The following DNAH7 variants were observed in gnomAD, a reference collection of about 807,000 sequenced individuals.
The protein encoded by DNAH7 is dynein axonemal heavy chain 7.
In DNAH7, 397 loss-of-function variants were observed where a neutral mutation model predicts 444.6. The observed-to-expected ratio is 0.89, with a 90% CI of 0.82 to 0.97. The LOEUF is 0.97. Ranked by LOEUF, DNAH7 falls within the 50% of genes least tolerant of loss-of-function variation. The pLI, the probability that DNAH7 is intolerant of heterozygous loss-of-function variation, is 0.00. For missense variants in DNAH7, 4,902 were observed against 4,800.8 expected (o/e 1.02, Z -0.62); for synonymous variants, 1,636 against 1,624.4 (o/e 1.01, Z -0.17).
intron 38 of DNAH7, among the ~76,000 whole-genome samples, chr2:195,875,030 A>T (rs1320019641): frequency 6.6e-6 from 1 of 152,228 alleles, no homozygotes; most frequent in Non-Finnish European, 1.5e-5. Context: ...GAAAACAGTT[A>T]AAGATTTCTT....
chr2:195,986,151 T>A (rs1214123123), intron 14 of DNAH7, among the ~76,000 whole-genome samples: 1 of 152,170 alleles, frequency 6.6e-6, no homozygotes, highest in Admixed American at 6.5e-5. Flanking sequence ...CCAAACTCCA[T>A]CTTGGGAGGA....
chr2:195,761,193 T>C (rs1694332097), intron 61 of DNAH7, among the ~76,000 whole-genome samples: 1 of 151,208 alleles, frequency 6.6e-6, no homozygotes, highest in Non-Finnish European at 1.5e-5. Context: ...AAAAATGCAA[T>C]TAATATGCTG....
chr2:195,829,055 T>A (rs1697933864), intron 48 of DNAH7, among the ~76,000 whole-genome samples: 1 of 152,178 alleles, frequency 6.6e-6, no homozygotes, highest in Admixed American at 6.5e-5. Flanking sequence ...ACTTAAGCCT[T>A]CTCTGGTTTT....
At chr2:196,008,558 T>C (rs918800881) in intron 10 of DNAH7, among the ~76,000 whole-genome samples, 21 of 152,224 alleles carry the variant, frequency 1.4e-4, no homozygotes, top group Admixed American at 1.2e-3. Context: ...TATATCCATA[T>C]ACTGAAATAT....
intron 3 of DNAH7, 151 bp from the exon 4 acceptor site, chr2:196,048,555 CTG>C: frequency 1.5e-6 from 1 of 665,418 alleles, no homozygotes; most frequent in East Asian, 2.7e-5. Context: ...TTATTCAAGC[CTG>C]TGAATGGTCA....
chr2:196,031,884 A>C (rs997859062), intron 5 of DNAH7, among the ~76,000 whole-genome samples: 5 of 152,088 alleles, frequency 3.3e-5, no homozygotes, highest in African/African-American at 9.7e-5. Flanking sequence ...GAGCCTTCCA[A>C]ACTGTTCCAA....
At chr2:195,942,468 A>T (rs1281955756) in intron 19 of DNAH7, among the ~76,000 whole-genome samples, 8 of 151,782 alleles carry the variant, frequency 5.3e-5, no homozygotes, top group Admixed American at 1.3e-4. Flanking sequence ...GAAGAAGAGG[A>T]AGAGGAGGAG....
rs1699037537 is a variant in DNAH7 at position 195,847,015 on chromosome 2, A to G, written c.8782-1850T>C. ...CAGTTCTGCCCTTTTAGAGAATCCTATTAGTTCTGTCCCTCTAGTAGTTAA... is the reference window on the plus strand; with the variant it reads ...CAGTTCTGCCCTTTTAGAGAATCCTGTTAGTTCTGTCCCTCTAGTAGTTAA... On this transcript the variant is annotated intron_variant, in intron 46 of 64. Coordinates refer to ENST00000312428, the MANE Select transcript of DNAH7 (RefSeq NM_018897.3). 2.7e-5 allele frequency among the ~76,000 whole-genome samples: 4 copies of G among 145,686 alleles called. No homozygotes were observed. In the South Asian group the frequency reaches 8.6e-4, roughly 31 times the overall value.
At chr2:196,048,452 A>C (rs1161502640) in intron 3 of DNAH7, 48 bp from the exon 4 acceptor site, 1 of 1,525,576 alleles carries the variant, frequency 6.6e-7, no homozygotes, top group South Asian at 1.1e-5. Context: ...TCAGAAAAAA[A>C]CCTTTTTCCA....
chr2:195,875,594 G>C (rs1701002211), intron 38 of DNAH7, 81 bp downstream of exon 38: 2 of 1,348,464 alleles, frequency 1.5e-6, no homozygotes, highest in East Asian at 2.4e-5. Context: ...CAACTCAAAA[G>C]AGGATTTTTT....
At chr2:195,918,972 C>T (rs1432116832) in intron 24 of DNAH7, among the ~76,000 whole-genome samples, 1 of 152,012 alleles carries the variant, frequency 6.6e-6, no homozygotes, top group Non-Finnish European at 1.5e-5. Context: ...GATTTTGGGC[C>T]AGGCGCAGTG....
In DNAH7 at chr2:196,047,497, C is replaced by T; in HGVS notation, c.253G>A (p.Glu85Lys). Residue 85 changes from glutamate to lysine, a missense_variant and splice_region_variant, in exon 5 of 65, where the codon GAA (glutamate) becomes AAA (lysine). Physicochemically the swap from Glu to Lys is moderately conservative, Grantham distance 56. Coordinates refer to ENST00000312428, the MANE Select transcript of DNAH7 (RefSeq NM_018897.3). ...TTTTTTCCAAAACGTTCCATGTATT[C>T]AGCTTAAATTAAAACAAAAAAAAAA... ...FSVKNEQSHA[E>K]YMERFGKKGK... is the part of the protein sequence containing the mutation. 1 of 1,562,222 alleles carries T rather than the reference C, an allele frequency of 6.4e-7. No individual in the cohort carries two copies. Among genetic ancestry groups the T allele is most frequent in the South Asian group, 1.2e-5 (1 of 80,114 alleles).
chr2:195,791,968 C>G (rs540779386), intron 57 of DNAH7, among the ~76,000 whole-genome samples: 47 of 152,136 alleles, frequency 3.1e-4, no homozygotes, highest in Non-Finnish European at 5.4e-4. Context: ...GTGTTTGAGA[C>G]CAGCCTGGCC....
chr2:195,963,911 T>G (rs186353635), intron 17 of DNAH7, among the ~76,000 whole-genome samples: 93 of 152,304 alleles, frequency 6.1e-4, no homozygotes, highest in Non-Finnish European at 1.1e-3. Context: ...CTAAAATGAA[T>G]TTACTGTAGA....
intron 17 of DNAH7, among the ~76,000 whole-genome samples, chr2:195,968,219 G>T (rs1691611097): frequency 6.6e-6 from 1 of 152,054 alleles, no homozygotes; most frequent in South Asian, 2.1e-4. Context: ...TGGCTGAGTT[G>T]GTACCCAAAG....
intron 49 of DNAH7, among the ~76,000 whole-genome samples, chr2:195,819,063 C>A (rs1697349334): frequency 6.6e-6 from 1 of 152,180 alleles, no homozygotes; most frequent in South Asian, 2.1e-4. Context: ...TACACACTAT[C>A]TATGAAATGC....
chr2:196,035,486 A>G (rs1377905536), intron 5 of DNAH7, among the ~76,000 whole-genome samples: 33 of 152,210 alleles, frequency 2.2e-4, no homozygotes. Context: ...GAAGACTGTC[A>G]TGTTTACTGC....
chr2:195,824,323 G>C lies in DNAH7; in HGVS notation c.9223C>G (p.Pro3075Ala). The C allele has an allele frequency of 6.2e-7, 1 of 1,613,878 alleles. No individual in the cohort carries two copies. Among genetic ancestry groups the C allele is most frequent in the Non-Finnish European group, 8.5e-7 (1 of 1,179,888 alleles). ...RLGDSTIEYA[P>A]DFRFYITTKL... ...GTAGTAATATAGAAGCGGAAGTCAGGTGCATATTCAATTGTGGAGTCCCCA... is the reference window on the plus strand; with the variant it reads ...GTAGTAATATAGAAGCGGAAGTCAGCTGCATATTCAATTGTGGAGTCCCCA... Residue 3075 changes from proline (P) to alanine (A), a missense_variant, in exon 49 of 65, where the codon CCT (proline) becomes GCT (alanine). Coordinates refer to ENST00000312428, the MANE Select transcript of DNAH7 (RefSeq NM_018897.3).
rs571200886 is a variant in DNAH7, at chr2:195,891,119, C to T, written c.5046+536G>A. 6.6e-5 allele frequency among the ~76,000 whole-genome samples: 10 copies of T among 152,310 alleles called. No homozygotes were observed. In the East Asian group the frequency reaches 1.9e-3, roughly 29 times the overall value. On this transcript the variant is annotated intron_variant, in intron 31 of 64. Transcript: ENST00000312428. The stretch of plus-strand genomic sequence containing the variant: ...TAAGTGCCCACTCTCCATTCACAGC[C>T]AGTAGCAGCTGGCAAGCCACTTGTC...
Sources: allele counts gnomAD v4.1 joint callset (sites outside exome capture counted in the v4.1 genomes callset), GRCh38; gene constraint gnomAD v4.1.1; transcripts MANE v1.5; gene names NCBI Gene and HGNC (gene_info 2026-07-23, HGNC 2026-07-21).